The following MYO18B variants were observed in gnomAD, a reference collection of about 807,000 sequenced individuals.
MYO18B encodes the protein myosin XVIIIB.
MYO18B carries 204 observed loss-of-function variants against 273.0 expected under a neutral mutation model. The ratio of observed to expected loss-of-function variants is 0.75; its 90% CI spans 0.67 to 0.84. The LOEUF is 0.84. Ranked by LOEUF, MYO18B falls within the 40% of genes least tolerant of loss-of-function variation. MYO18B has a pLI of 0.00. For synonymous variants in MYO18B, 1,330 were observed against 1,305.7 expected (o/e 1.02, Z -0.40); for missense variants, 3,212 against 3,287.6 (o/e 0.98, Z 0.56).
intron 25 of MYO18B, among the ~76,000 whole-genome samples, chr22:25,885,879 C>T (rs577503768): frequency 6.6e-6 from 1 of 152,296 alleles, no homozygotes; most frequent in Admixed American, 6.5e-5. Context: ...CTCCTATGCC[C>T]AGCTCAGAGG....
At chr22:25,997,401 G>A (rs1192533566) in intron 40 of MYO18B, among the ~76,000 whole-genome samples, 1 of 149,790 alleles carries the variant, frequency 6.7e-6, no homozygotes, top group Non-Finnish European at 1.5e-5. Context: ...TAACACAAGA[G>A]CATTAAACCA....
downstream of MYO18B, among the ~76,000 whole-genome samples, chr22:26,033,722 TTCTTTCTCTTTTTCTC>T (rs1308749932): frequency 6.6e-6 from 1 of 152,040 alleles, no homozygotes; most frequent in Non-Finnish European, 1.5e-5. Context: ...TTTCTTTTCT[TTCTTTCTCTTTTTCTC>T]TCTTTCTCTC....
intron 42 of MYO18B, among the ~76,000 whole-genome samples, chr22:26,013,354 C>A (rs1935062821): frequency 6.6e-6 from 1 of 152,032 alleles, no homozygotes; most frequent in Non-Finnish European, 1.5e-5. Flanking sequence ...TTATCGGGTC[C>A]AAAATGGCAA....
chr22:25,898,057 T>C, intron 28 of MYO18B: 1 of 448,426 alleles, frequency 2.2e-6, no homozygotes, highest in Non-Finnish European at 3.9e-6. Flanking sequence ...GGAGGTTTAT[T>C]GAGCAAAAGT....
In MYO18B at chr22:25,868,306, A is replaced by G. The variant is rs776173272; in HGVS notation, c.3886-14A>G. On this transcript the variant is annotated splice_polypyrimidine_tract_variant and intron_variant, in intron 21 of 43. Coordinates refer to ENST00000335473, the MANE Select transcript of MYO18B (RefSeq NM_032608.7). ...CTTCTATGCTGTCTAACTTCTCTCT[A>G]ATTTTTTCCCCAGGCCGTGGAGGAG... 25 of 1,592,456 alleles carry G rather than the reference A, an allele frequency of 1.6e-5. No homozygotes were observed. Among genetic ancestry groups the G allele is most frequent in the Middle Eastern group, 1.6e-4 (1 of 6,066 alleles).
At chr22:25,910,922 T>C (rs372270627) in intron 32 of MYO18B, 24 bp from the exon 33 acceptor site, 163 of 1,547,030 alleles carry the variant, frequency 1.1e-4, no homozygotes, top group Non-Finnish European at 1.4e-4. Context: ...TACCCTGTGA[T>C]GTTTCTTCCC....
chr22:25,769,139 C>T lies in MYO18B; in HGVS notation c.1223C>T (p.Ala408Val). The T allele has an allele frequency of 6.2e-7, 1 of 1,613,510 alleles. No individual in the cohort carries two copies. The highest frequency in any genetic ancestry group is 8.5e-7 in the Non-Finnish European group (1 of 1,179,736). ...PQGKSGNAGE[A>V]RSQTEKGCEA... ...GGTAAGTCCGGGAACGCAGGTGAAG[C>T]TCGGAGTCAGACAGAGAAGGGCTGT... is the stretch of plus-strand genomic sequence containing the variant. The change falls in exon 4 of 44, where the codon GCT becomes GTT. Residue 408 changes from alanine (A) to valine (V), a missense_variant. Transcript: ENST00000335473.
chr22:25,781,892 C>A, intron 10 of MYO18B, 58 bp downstream of exon 10: 1 of 1,202,446 alleles, frequency 8.3e-7, no homozygotes, highest in South Asian at 2.0e-5. Context: ...GGCACATGTT[C>A]TTTGGGGGCC....
At chr22:25,876,124 T>C in intron 23 of MYO18B, 65 bp from the exon 24 acceptor site, 12 of 1,544,132 alleles carry the variant, frequency 7.8e-6, no homozygotes, top group Non-Finnish European at 1.1e-5. Context: ...CTCTGCCTCC[T>C]CTCCTTCCTT....
Position 25,847,606 on chromosome 22 carries a change from G to C in MYO18B, c.3729G>C (p.Gln1243His), listed in dbSNP as rs1434730060. 1 of 1,564,562 alleles carries C rather than the reference G, an allele frequency of 6.4e-7. No individual in the cohort carries two copies. Among genetic ancestry groups the C allele is most frequent in the Non-Finnish European group, 8.7e-7 (1 of 1,154,752 alleles). ...TGGATATCCCAGCACTGAGGGTCCA[G>C]CTTGCTGGGTTCCACATCCTGGAGG... is the stretch of plus-strand genomic sequence containing the variant. ...LALDIPALRV[Q>H]LAGFHILEAL... Residue 1243 changes from glutamine to histidine, a missense_variant, in exon 20 of 44, where the codon CAG becomes CAC. Transcript: ENST00000335473.
chr22:25,951,925 C>T (rs748210397), intron 37 of MYO18B, among the ~76,000 whole-genome samples: 1 of 152,224 alleles, frequency 6.6e-6, no homozygotes, highest in Non-Finnish European at 1.5e-5. Context: ...CCCACACTTG[C>T]TTGTATCTTT....
intron 42 of MYO18B, among the ~76,000 whole-genome samples, chr22:26,011,867 T>C (rs1205230093): frequency 2.0e-5 from 3 of 152,250 alleles, no homozygotes; most frequent in Non-Finnish European, 4.4e-5. Context: ...ATTACTGTTG[T>C]ATGTATCATT....
rs150258818 is a variant in MYO18B, at chr22:25,817,026, A to G, written c.2522-6479A>G. Among the ~76,000 whole-genome samples, 432 of 152,332 alleles carry G rather than the reference A, an allele frequency of 2.8e-3. 1 individual carries two copies. Among genetic ancestry groups the G allele is most frequent in the African/African-American group, 9.3e-3 (386 of 41,568 alleles). On this transcript the variant is annotated intron_variant, in intron 12 of 43. Transcript: ENST00000335473. Reference sequence around the variant, plus strand: ...TTAATAAATGCAGGAGGCCACAGTAATTGATAGCAATTGAACTCATAGTGG... The same window carrying G: ...TTAATAAATGCAGGAGGCCACAGTAGTTGATAGCAATTGAACTCATAGTGG...
chr22:26,057,297 A>G, the MYO18B span, among the ~76,000 whole-genome samples: 3 of 152,204 alleles, frequency 2.0e-5, no homozygotes, highest in Admixed American at 1.3e-4. Context: ...CCTCTAAAAG[A>G]TAAGTGGCCT....
intron 42 of MYO18B, among the ~76,000 whole-genome samples, chr22:26,016,258 A>G (rs1459643783): frequency 6.6e-6 from 1 of 152,222 alleles, no homozygotes; most frequent in Non-Finnish European, 1.5e-5. Flanking sequence ...TTGTAGCAGA[A>G]GGTAAAAGAC....
chr22:25,878,146 T>C (rs2091252036), intron 25 of MYO18B, 98 bp downstream of exon 25: 8 of 966,344 alleles, frequency 8.3e-6, no homozygotes, highest in Non-Finnish European at 1.1e-5. Flanking sequence ...AGCATGCTAA[T>C]TGCTTTACAA....
chr22:25,782,604 G>A (rs1772103650), intron 10 of MYO18B, among the ~76,000 whole-genome samples: 1 of 152,224 alleles, frequency 6.6e-6, no homozygotes. Context: ...CATGGTCCTA[G>A]TGAAGTGTCG....
intron 17 of MYO18B, among the ~76,000 whole-genome samples, chr22:25,842,962 G>A (rs888219497): frequency 2.6e-5 from 4 of 152,206 alleles, no homozygotes; most frequent in African/African-American, 9.7e-5. Context: ...CATTACTGCT[G>A]ACTGAGTGAC....
At chr22:25,913,525 G>A (rs1331712271) in intron 33 of MYO18B, among the ~76,000 whole-genome samples, 1 of 152,134 alleles carries the variant, frequency 6.6e-6, no homozygotes, top group Non-Finnish European at 1.5e-5. Flanking sequence ...CACCACGCCT[G>A]GCTAATTTTT....
Sources: allele counts gnomAD v4.1 joint callset (sites outside exome capture counted in the v4.1 genomes callset), GRCh38; gene constraint gnomAD v4.1.1; transcripts MANE v1.5; gene names NCBI Gene and HGNC (gene_info 2026-07-23, HGNC 2026-07-21).